COBLL1: variants seen among roughly 807,000 people sequenced by gnomAD.
The protein encoded by COBLL1 is cordon-bleu protein-like 1.
In COBLL1, 50 loss-of-function variants were observed where a neutral mutation model predicts 94.8. The ratio of observed to expected loss-of-function variants is 0.53; its 90% CI spans 0.42 to 0.67. The LOEUF is 0.67. Among genes scored for constraint, COBLL1 ranks in the 30% least tolerant of loss-of-function variants. COBLL1 has a pLI of 0.00. For synonymous variants in COBLL1, 448 were observed against 473.8 expected (o/e 0.95, Z 0.71); for missense variants, 1,362 against 1,348.7 (o/e 1.01, Z -0.15).
chr2:164,818,277 T>C (rs1428085578), intron 2 of COBLL1, among the ~76,000 whole-genome samples: 2 of 148,778 alleles, frequency 1.3e-5, no homozygotes, highest in Admixed American at 1.3e-4. Flanking sequence ...CGTATGTATG[T>C]ATACATATAT....
chr2:164,805,435 C>T lies in COBLL1; in HGVS notation c.41+35721G>A, dbSNP rs1196688497. On this transcript the variant is annotated intron_variant, in intron 2 of 13. Transcript: ENST00000652658. ...TTTTGAAAAAAATGTATAATGTGCC[C>T]CTTATTACTATATCATACATCATGG... 2.1e-5 allele frequency among the ~76,000 whole-genome samples: 3 copies of T among 145,284 alleles called. No individual in the cohort carries two copies. In the East Asian group the frequency reaches 6.0e-4, roughly 29 times the overall value.
chr2:164,722,631 C>T lies in COBLL1; in HGVS notation c.662-109G>A, dbSNP rs951617574. The T allele has an allele frequency of 2.7e-5, 15 of 559,034 alleles. No homozygotes were observed. The African/African-American group carries it at 2.7e-4, about 10-fold the overall frequency. 34.6% of individuals were successfully genotyped at this position (559,034 alleles called of 1,614,324 possible). ...CAAACTTATCTAATGCTAAAAGCTA[C>T]TAATTATAGTCTACAAAGAAGCACC... On this transcript the variant is annotated intron_variant, in intron 5 of 13. Transcript: ENST00000652658.
chr2:164,821,013 G>T (rs767009547), intron 2 of COBLL1, among the ~76,000 whole-genome samples: 1 of 151,930 alleles, frequency 6.6e-6, no homozygotes, highest in African/African-American at 2.4e-5. Context: ...TCAGCCTCCC[G>T]AGTAGCTGGG....
chr2:164,742,593 C>T (rs944211461), intron 3 of COBLL1, among the ~76,000 whole-genome samples: 5 of 152,040 alleles, frequency 3.3e-5, no homozygotes, highest in African/African-American at 1.2e-4. Context: ...AATGTGTGAT[C>T]TCCAAAGTGA....
chr2:164,807,433 G>A (rs1262864756), intron 2 of COBLL1, among the ~76,000 whole-genome samples: 1 of 148,874 alleles, frequency 6.7e-6, no homozygotes, highest in Non-Finnish European at 1.5e-5. Context: ...GTCAGACTTC[G>A]TCTCAATTAA....
intron 2 of COBLL1, among the ~76,000 whole-genome samples, chr2:164,829,528 C>A (rs544735380): frequency 1.3e-5 from 2 of 152,080 alleles, no homozygotes; most frequent in South Asian, 2.1e-4. Flanking sequence ...AAATAAAATT[C>A]TCCCCTTGAA....
intron 2 of COBLL1, among the ~76,000 whole-genome samples, chr2:164,813,470 TGTAACCAGC>T (rs1684560590): frequency 1.3e-5 from 2 of 152,160 alleles, no homozygotes; most frequent in Non-Finnish European, 2.9e-5. Context: ...ATTTTCATCA[TGTAACCAGC>T]TACCATCATC....
chr2:164,797,222 T>C (rs982519703), intron 2 of COBLL1, among the ~76,000 whole-genome samples: 2 of 152,206 alleles, frequency 1.3e-5, no homozygotes, highest in Non-Finnish European at 2.9e-5. Flanking sequence ...CTAGGCAATG[T>C]TGGGCTTCCC....
intron 7 of COBLL1, among the ~76,000 whole-genome samples, chr2:164,717,697 G>A (rs1685239040): frequency 6.6e-6 from 1 of 152,104 alleles, no homozygotes; most frequent in Non-Finnish European, 1.5e-5. Context: ...GGGACTGCAG[G>A]CACACACCAA....
intron 2 of COBLL1, among the ~76,000 whole-genome samples, chr2:164,834,918 A>C (rs1412120710): frequency 6.6e-6 from 1 of 152,220 alleles, no homozygotes; most frequent in Admixed American, 6.5e-5. Context: ...TTAGGGAAAC[A>C]GGAATCAAAC....
chr2:164,839,594 C>T (rs1683487889), intron 2 of COBLL1, among the ~76,000 whole-genome samples: 1 of 152,198 alleles, frequency 6.6e-6, no homozygotes, highest in African/African-American at 2.4e-5. Flanking sequence ...TTTGTGAAAG[C>T]AGGTATGTTT....
At chr2:164,701,128 T>C (rs1684234419) in intron 9 of COBLL1, among the ~76,000 whole-genome samples, 2 of 152,152 alleles carry the variant, frequency 1.3e-5, no homozygotes, top group African/African-American at 4.8e-5. Flanking sequence ...ATTTTAAAAG[T>C]GAAAATGAAA....
intron 2 of COBLL1, among the ~76,000 whole-genome samples, chr2:164,817,537 A>G (rs1684830169): frequency 6.6e-6 from 1 of 152,098 alleles, no homozygotes; most frequent in Non-Finnish European, 1.5e-5. Context: ...TCCTCACGCT[A>G]CGTTACTCCT....
At chr2:164,745,900 ATAAG>A (rs1439516483) in intron 2 of COBLL1, among the ~76,000 whole-genome samples, 1 of 150,466 alleles carries the variant, frequency 6.6e-6, no homozygotes, top group Non-Finnish European at 1.5e-5. Context: ...GAAACATTTT[ATAAG>A]TAAGAGAACT....
At chr2:164,732,622 T>C (rs1686077459) in intron 3 of COBLL1, among the ~76,000 whole-genome samples, 1 of 152,240 alleles carries the variant, frequency 6.6e-6, no homozygotes, top group African/African-American at 2.4e-5. Flanking sequence ...TAAATGATGA[T>C]ACATGCAGAC....
chr2:164,809,821 G>C (rs1216668735), intron 2 of COBLL1, among the ~76,000 whole-genome samples: 1 of 151,764 alleles, frequency 6.6e-6, no homozygotes, highest in Admixed American at 6.6e-5. Flanking sequence ...TTTTATGCAA[G>C]ATATTCACAT....
At chr2:164,816,104 A>C (rs957634515) in intron 2 of COBLL1, among the ~76,000 whole-genome samples, 1 of 152,016 alleles carries the variant, frequency 6.6e-6, no homozygotes, top group African/African-American at 2.4e-5. Flanking sequence ...GATAGAGTTA[A>C]AGTATCATGA....
In COBLL1 at chr2:164,744,840, TTAAC is replaced by T. The variant is rs1318387527; in HGVS notation, c.42-969_42-966del. 2.6e-5 allele frequency among the ~76,000 whole-genome samples: 4 copies of T among 152,330 alleles called. No individual in the cohort carries two copies. The South Asian group carries it at 6.2e-4, about 24-fold the overall frequency. On this transcript the variant is annotated intron_variant, in intron 2 of 13. Transcript: ENST00000652658. ...ATTTTTGCATCACTAAGACAACCTCTTAACTAACTTATAACAGAAATAGTAGACA... is the reference window on the plus strand; with the variant it reads ...ATTTTTGCATCACTAAGACAACCTCTTAACTTATAACAGAAATAGTAGACA...
rs1244134201 is a variant in COBLL1 at position 164,728,008 on chromosome 2, G to A, written c.622C>T (p.Leu208=). ...ATCGCATATAATTCTCTTAGTCCCA[G>A]GTCATTAAGAGATTTTGTCAAGTCA... ...PLDLTKSLND[L]GLRELYAMDV... Residue 208 remains leucine (L), a synonymous_variant, in exon 5 of 14, where the codon CTG becomes TTG. Transcript: ENST00000652658. The A allele has an allele frequency of 6.2e-7, 1 of 1,612,632 alleles. No homozygotes were observed. Among genetic ancestry groups the A allele is most frequent in the Non-Finnish European group, 8.5e-7 (1 of 1,178,772 alleles).
Sources: allele counts gnomAD v4.1 joint callset (sites outside exome capture counted in the v4.1 genomes callset), GRCh38; gene constraint gnomAD v4.1.1; transcripts MANE v1.5; gene names NCBI Gene and HGNC (gene_info 2026-07-23, HGNC 2026-07-21).